The following MCPH1 variants were observed in gnomAD, a reference collection of about 807,000 sequenced individuals.
MCPH1 encodes microcephalin.
A neutral mutation model predicts 84.5 loss-of-function variants in MCPH1; 104 were observed. The ratio of observed to expected loss-of-function variants is 1.23; its 90% CI spans 1.05 to 1.45. The LOEUF (loss-of-function observed/expected upper bound fraction) is 1.45. MCPH1 is among the 40% of genes most tolerant of loss of function. MCPH1 has a pLI of 0.00. For missense variants in MCPH1, 1,498 were observed against 1,005.7 expected (o/e 1.49, Z -6.62); for synonymous variants, 514 against 366.8 (o/e 1.40, Z -4.58).
rs754632474 is a variant in MCPH1 at position 6,445,508 on chromosome 8, A to G, written c.1786A>G (p.Thr596Ala). 3.7e-6 allele frequency: 6 copies of G among 1,609,632 alleles called. No individual in the cohort carries two copies. The Admixed American group carries it at 1.0e-4, about 27-fold the overall frequency. ...AGTTGACTGTAACATGGAGACGTCT[A>G]CAGAAGAGAAGGAAAACTTACCCGG... ...FIVDCNMETS[T>A]EEKENLPGGY... Residue 596 changes from threonine to alanine, a missense_variant, in exon 8 of 14, where the codon ACA becomes GCA. Physicochemically the swap from Thr to Ala is moderately conservative, Grantham distance 58 (BLOSUM62 0). Transcript: ENST00000344683.
intron 9 of MCPH1, among the ~76,000 whole-genome samples, chr8:6,459,945 C>T (rs1278143032): frequency 4.6e-5 from 7 of 152,168 alleles, no homozygotes; most frequent in Middle Eastern, 3.2e-3. Flanking sequence ...GATGCAGAAC[C>T]GCGAGAAGAG....
intron 13 of MCPH1, among the ~76,000 whole-genome samples, chr8:6,629,900 G>A (rs974934823): frequency 6.6e-6 from 1 of 152,164 alleles, no homozygotes. Context: ...ATCTTAGGCT[G>A]GGCCCAGCAA....
intron 1 of MCPH1, among the ~76,000 whole-genome samples, chr8:6,408,650 A>C (rs1180343925): frequency 2.0e-5 from 3 of 151,262 alleles, no homozygotes; most frequent in Admixed American, 2.0e-4. Context: ...CTCCCACCTC[A>C]GCTTCTCCAC....
chr8:6,605,160 C>T (rs1020435465), intron 12 of MCPH1, among the ~76,000 whole-genome samples: 7 of 152,078 alleles, frequency 4.6e-5, no homozygotes, highest in South Asian at 4.1e-4. Context: ...GACACCCAGC[C>T]CCGCTCTTGT....
intron 9 of MCPH1, among the ~76,000 whole-genome samples, chr8:6,458,200 C>T (rs998719625): frequency 8.5e-5 from 13 of 152,184 alleles, no homozygotes; most frequent in East Asian, 1.9e-4. Flanking sequence ...GGGCTGGGTG[C>T]GGTGGCTCAC....
At chr8:6,508,435 G>A (rs1814233096) in intron 12 of MCPH1, 1 of 166,174 alleles carries the variant, frequency 6.0e-6, no homozygotes, top group South Asian at 1.7e-4. Flanking sequence ...GTAAGACTCT[G>A]TCTCAAAATA....
intron 12 of MCPH1, among the ~76,000 whole-genome samples, chr8:6,563,881 A>G (rs1260672157): frequency 2.6e-5 from 4 of 152,088 alleles, no homozygotes; most frequent in Non-Finnish European, 5.9e-5. Flanking sequence ...CTCCACTTGG[A>G]TATTCACTCT....
chr8:6,645,781 G>T lies in MCPH1; in HGVS notation c.*2732G>T, dbSNP rs774923605. 2.0e-5 allele frequency: 3 copies of T among 152,034 alleles called. No homozygotes were observed. The highest frequency in any genetic ancestry group is 4.4e-5 in the Non-Finnish European group (3 of 67,994). The allele number at this position is 152,034 out of a possible 1,614,324, so 9.4% of individuals were successfully genotyped here. On this transcript the variant is annotated 3_prime_UTR_variant, in exon 14 of 14. Transcript: ENST00000344683. ...TAAGACCACGATTCCATTTAAAATTGCATCTAAAAATAAACAAAATAGGAA... is the reference window on the plus strand; with the variant it reads ...TAAGACCACGATTCCATTTAAAATTTCATCTAAAAATAAACAAAATAGGAA...
At chr8:6,450,857 C>T (rs1805006352) in intron 8 of MCPH1, among the ~76,000 whole-genome samples, 1 of 152,044 alleles carries the variant, frequency 6.6e-6, no homozygotes, top group African/African-American at 2.4e-5. Flanking sequence ...ATCCTCCCAC[C>T]TCAGCATCCT....
intron 12 of MCPH1, among the ~76,000 whole-genome samples, chr8:6,512,613 C>G (rs972117960): frequency 5.3e-5 from 8 of 152,212 alleles, no homozygotes; most frequent in Non-Finnish European, 1.0e-4. Context: ...GTTGCACACA[C>G]ATTTCGGAGT....
At chr8:6,550,198 G>A (rs1342140645) in intron 12 of MCPH1, among the ~76,000 whole-genome samples, 1 of 152,240 alleles carries the variant, frequency 6.6e-6, no homozygotes, top group Non-Finnish European at 1.5e-5. Flanking sequence ...TCCATCTCCA[G>A]ATGTTACTCA....
intron 2 of MCPH1, 30 bp from the exon 3 acceptor site, chr8:6,414,735 T>A: frequency 6.2e-7 from 1 of 1,611,192 alleles, no homozygotes; most frequent in South Asian, 1.1e-5. Context: ...AACAGTAATG[T>A]ACATTTTGTT....
At chr8:6,552,356 G>C (rs1248861086) in intron 12 of MCPH1, among the ~76,000 whole-genome samples, 2 of 152,214 alleles carry the variant, frequency 1.3e-5, no homozygotes, top group African/African-American at 4.8e-5. Context: ...TACTGGAGCA[G>C]TTTCCACAGA....
rs1198065290 is a variant in MCPH1 at position 6,545,171 on chromosome 8, C to T, written c.2214+45242C>T. On this transcript the variant is annotated intron_variant, in intron 12 of 13. Coordinates refer to ENST00000344683, the MANE Select transcript of MCPH1 (RefSeq NM_024596.5). ...TGATAGAAGTCAGAATAATGTCTTC[C>T]GGGTGGGAGGGGTTTGAGGCTGTGA... 4.6e-5 allele frequency among the ~76,000 whole-genome samples: 7 copies of T among 151,950 alleles called. No individual in the cohort carries two copies. The East Asian group carries it at 5.8e-4, about 13-fold the overall frequency.
intron 11 of MCPH1, among the ~76,000 whole-genome samples, chr8:6,489,301 G>A (rs1262393519): frequency 6.6e-6 from 1 of 151,946 alleles, no homozygotes; most frequent in Non-Finnish European, 1.5e-5. Flanking sequence ...CCCCTATGCA[G>A]AAGTCAGGGG....
intron 12 of MCPH1, among the ~76,000 whole-genome samples, chr8:6,572,186 G>GA (rs10706929): frequency 6.7e-6 from 1 of 149,310 alleles, no homozygotes; most frequent in African/African-American, 2.5e-5. Context: ...TTTCCCTCAA[G>GA]AAAAAAAAAA....
At chr8:6,469,227 C>T (rs2442497) in intron 9 of MCPH1, among the ~76,000 whole-genome samples, 127,510 of 152,132 alleles carry the variant, frequency 0.84, 53,640 homozygotes, top group Admixed American at 0.87. Flanking sequence ...ATTTTCTACA[C>T]TGAACCCATC....
chr8:6,567,159 C>T (rs565102242), intron 12 of MCPH1, among the ~76,000 whole-genome samples: 6 of 63,586 alleles, frequency 9.4e-5, no homozygotes, highest in East Asian at 6.7e-4. Flanking sequence ...GGATAGTGCC[C>T]GTGGCGTGGT....
intron 9 of MCPH1, among the ~76,000 whole-genome samples, chr8:6,461,540 A>G (rs1806299377): frequency 6.7e-6 from 1 of 149,236 alleles, no homozygotes; most frequent in Non-Finnish European, 1.5e-5. Flanking sequence ...GGGTTTTGCC[A>G]TGTTGGCCAG....
Sources: gnomAD v4.1 joint callset for allele counts (sites outside exome capture counted in the v4.1 genomes callset) on GRCh38, gnomAD v4.1.1 for gene constraint, MANE v1.5 for transcripts, NCBI Gene and HGNC (gene_info 2026-07-23, HGNC 2026-07-21) for gene names.